CYP17A1: variants seen among roughly 807,000 people sequenced by gnomAD.
The protein encoded by CYP17A1 is cytochrome P450 family 17 subfamily A member 1.
In CYP17A1, 27 loss-of-function variants were observed where a neutral mutation model predicts 38.5. The ratio of observed to expected loss-of-function variants is 0.70; its 90% CI spans 0.52 to 0.97. The LOEUF is 0.97. Among genes scored for constraint, CYP17A1 ranks in the 50% least tolerant of loss-of-function variants. The pLI is 0.00. For missense variants in CYP17A1, 549 were observed against 645.9 expected, an observed-to-expected ratio of 0.85 and a Z score of 1.63; for synonymous variants, 263 against 253.3, an observed-to-expected ratio of 1.04 and a Z score of -0.36.
chr10:102,836,358 G>C lies in CYP17A1; in HGVS notation c.297+707C>G, dbSNP rs1844161736. On this transcript the variant is annotated intron_variant, in intron 1 of 7. Transcript: ENST00000369887. ...TGTAGTCCCAGGTACTCAGGAGGCT[G>C]AGGCAGGAGAATCACTTGAACCCGG... Among the ~76,000 whole-genome samples the C allele has an allele frequency of 2.6e-5, 4 of 151,264 alleles. No homozygotes were observed. The Admixed American group carries it at 2.6e-4, about 10-fold the overall frequency.
Position 102,835,237 on chromosome 10 carries a change from G to C in CYP17A1, c.436+17C>G. On this transcript the variant is annotated intron_variant, in intron 2 of 7. Transcript: ENST00000369887. ...GTGGGATCCAGCCCCAGCCCCAGGG[G>C]CCAGCCTGGCACTCACTGATCTTCT... The C allele has an allele frequency of 6.2e-7, 1 of 1,608,448 alleles. No individual in the cohort carries two copies. The highest frequency in any genetic ancestry group is 8.5e-7 in the Non-Finnish European group (1 of 1,175,172).
chr10:102,832,647 T>C lies in CYP17A1; in HGVS notation c.1003A>G (p.Asn335Asp). ...GTTGGTGTGCGGCTGAAACCCACAT[T>C]CTGGTCAATCTCCTCGTAGAGCTTC... ...KKKLYEEIDQ[N>D]VGFSRTPTIS... Residue 335 changes from asparagine (N) to aspartate (D), a missense_variant, in exon 6 of 8, where the codon AAT (asparagine) becomes GAT (aspartate). By Grantham distance (23) the Asn-to-Asp change is conservative. This residue lies in a region of CYP17A1 where 257 missense variants were observed against 307.9 expected (regional missense o/e 0.83). Transcript: ENST00000369887. The C allele has an allele frequency of 4.4e-6, 7 of 1,608,884 alleles. No homozygotes were observed. The highest frequency in any genetic ancestry group is 1.3e-5 in the African/African-American group (1 of 74,952).
In CYP17A1 at chr10:102,834,795, G is replaced by C; in HGVS notation, c.656C>G (p.Pro219Arg). ...CTGGCAGCATCTCACCTTCAACCAG[G>C]GGACTAGGTCCACCAGGCTGTCTTT... ...LSKDSLVDLVPWLKIFPNKTL... is the reference protein window; with the variant it reads ...LSKDSLVDLVRWLKIFPNKTL... Residue 219 changes from proline to arginine, a missense_variant, in exon 3 of 8, where the codon CCC becomes CGC. By Grantham distance (103) the Pro-to-Arg change is moderately radical. Transcript: ENST00000369887. 1 of 1,614,094 alleles carries C rather than the reference G, an allele frequency of 6.2e-7. No homozygotes were observed. The highest frequency in any genetic ancestry group is 8.5e-7 in the Non-Finnish European group (1 of 1,180,026).
Position 102,835,310 on chromosome 10 carries a change from A to G in CYP17A1, c.380T>C (p.Leu127Pro). The change falls in exon 2 of 8, where the codon CTG (leucine) becomes CCG (proline). Residue 127 changes from leucine (L) to proline (P), a missense_variant. Leu to Pro is a moderately conservative substitution (Grantham distance 98). Around this residue, in one of 3 missense-constraint regions of CYP17A1, gnomAD observed 289 missense variants for 320.9 expected, o/e 0.90. Coordinates refer to ENST00000369887, the MANE Select transcript of CYP17A1 (RefSeq NM_000102.4). Reference protein sequence around the residue: ...SGAHWQLHRRLAMATFALFKD... With the variant: ...SGAHWQLHRRPAMATFALFKD... Reference sequence around the variant, plus strand: ...GAACAGGGCAAAGGTGGCCATCGCCAGCCTTCGATGCAGCTGCCAGTGTGC... The same window carrying G: ...GAACAGGGCAAAGGTGGCCATCGCCGGCCTTCGATGCAGCTGCCAGTGTGC... 2 of 1,612,368 alleles carry G rather than the reference A, an allele frequency of 1.2e-6. No homozygotes were observed. The highest frequency in any genetic ancestry group is 1.7e-5 in the Admixed American group (1 of 60,026).
intron 2 of CYP17A1, 96 bp downstream of exon 2, chr10:102,835,158 C>G: frequency 8.1e-7 from 1 of 1,230,712 alleles, no homozygotes. Context: ...CTGCATTGCG[C>G]TCTAGTCCTA....
intron 6 of CYP17A1, among the ~76,000 whole-genome samples, 182 bp downstream of exon 6, chr10:102,832,329 C>T (rs1313108000): frequency 6.6e-6 from 1 of 152,170 alleles, no homozygotes; most frequent in African/African-American, 2.4e-5. Context: ...GCCTCGACCT[C>T]CCAAAGTGTT....
chr10:102,834,381 CTA>C, intron 3 of CYP17A1: 1 of 561,848 alleles, frequency 1.8e-6, no homozygotes. Context: ...GCTGACTCTG[CTA>C]TGTGTCCAGC....
intron 2 of CYP17A1, 63 bp from the exon 3 acceptor site, chr10:102,835,077 A>T: frequency 8.5e-7 from 1 of 1,177,088 alleles, no homozygotes; most frequent in Non-Finnish European, 1.3e-6. Flanking sequence ...TCTCTGTACC[A>T]GTTGCCTCTT....
intron 4 of CYP17A1, chr10:102,833,783 G>T: frequency 2.3e-6 from 1 of 426,088 alleles, no homozygotes; most frequent in Non-Finnish European, 4.3e-6. Flanking sequence ...GTACAGACGG[G>T]GTTTCACCAT....
Position 102,835,440 on chromosome 10 carries a change from C to T in CYP17A1, c.298-48G>A, listed in dbSNP as rs1844151234. On this transcript the variant is annotated intron_variant, in intron 1 of 7. Transcript: ENST00000369887. ...TAGGAATCTCACACCATCCACCCCA[C>T]TCTTGCCCTTACACCTCTGGTCCCT... The T allele has an allele frequency of 3.9e-6, 6 of 1,542,460 alleles. No individual in the cohort carries two copies. The Middle Eastern group carries it at 5.0e-4, about 129-fold the overall frequency.
At position 102,830,683 on chromosome 10, in the gene CYP17A1, G is replaced by T; in HGVS notation, c.*19C>A. On this transcript the variant is annotated 3_prime_UTR_variant, in exon 8 of 8. Coordinates refer to ENST00000369887, the MANE Select transcript of CYP17A1 (RefSeq NM_000102.4). The surrounding 1 kb of genome is among the most constrained non-coding windows in gnomAD (Gnocchi z 4.1). ...TTGTGGGGCCACATAGGGTGGACAG[G>T]GGCTGTGAGTTACAGCCTTTAGGTG... 1 of 1,458,206 alleles carries T rather than the reference G, an allele frequency of 6.9e-7. No homozygotes were observed. The allele number at this position is 1,458,206 out of a possible 1,614,324, so 90.3% of individuals were successfully genotyped here.
At chr10:102,833,260 A>T in intron 4 of CYP17A1, 52 bp from the exon 5 acceptor site, 1 of 1,612,468 alleles carries the variant, frequency 6.2e-7, no homozygotes, top group Non-Finnish European at 8.5e-7. Flanking sequence ...CCCATCTGTG[A>T]CACTCCTGCC....
chr10:102,832,837 G>A (rs1844109278), intron 5 of CYP17A1, 156 bp downstream of exon 5: 1 of 1,453,976 alleles, frequency 6.9e-7, no homozygotes, highest in Non-Finnish European at 9.5e-7. Flanking sequence ...AGATGGGGCA[G>A]CTCTACTCTG....
At chr10:102,832,968 T>C in intron 5 of CYP17A1, 25 bp downstream of exon 5, 1 of 1,613,058 alleles carries the variant, frequency 6.2e-7, no homozygotes, top group Non-Finnish European at 8.5e-7. Flanking sequence ...GGCTGGGGTC[T>C]AGGATCAATG....
rs528612678 is a variant in CYP17A1 at position 102,837,324 on chromosome 10, G to A, written c.38C>T (p.Ala13Val). 2.5e-6 allele frequency: 4 copies of A among 1,612,578 alleles called. No homozygotes were observed. Among genetic ancestry groups the A allele is most frequent in the South Asian group, 1.1e-5 (1 of 91,058 alleles). ...CCTTCTCTTGGGCCAAAACAAATAA[G>A]CTAGGGTAAGCAGCAAGAGAGCCAC... ...ELVALLLLTL[A>V]YLFWPKRRCP... Residue 13 changes from alanine to valine, a missense_variant, in exon 1 of 8, where the codon GCT becomes GTT. By Grantham distance (64) the Ala-to-Val change is moderately conservative. This residue lies in a region of CYP17A1 where 289 missense variants were observed against 320.9 expected (regional missense o/e 0.90). Transcript: ENST00000369887.
At chr10:102,833,675 C>T in intron 4 of CYP17A1, 2 of 285,510 alleles carry the variant, frequency 7.0e-6, no homozygotes, top group Non-Finnish European at 6.7e-6. Flanking sequence ...AGGCTGGTCT[C>T]GAACTCCCAA....
In CYP17A1 at chr10:102,831,592, C is replaced by T. The variant is rs1438499447; in HGVS notation, c.1159G>A (p.Asp387Asn). 1 of 1,613,890 alleles carries T rather than the reference C, an allele frequency of 6.2e-7. No individual in the cohort carries two copies. Among genetic ancestry groups the T allele is most frequent in the Non-Finnish European group, 8.5e-7 (1 of 1,180,030 alleles). Residue 387 changes from aspartate (D) to asparagine (N), a missense_variant, in exon 7 of 8, where the codon GAC becomes AAC. Physicochemically the swap from Asp to Asn is conservative, Grantham distance 23. This residue lies in a region of CYP17A1 where 257 missense variants were observed against 307.9 expected (regional missense o/e 0.83). Transcript: ENST00000369887. ...VDSSIGEFAV[D>N]KGTEVIINLW... ...TTGATGATAACTTCTGTGCCCTTGT[C>T]CACAGCAAACTCACCGATGCTGCTC...
rs1485258085 is a variant in CYP17A1, at chr10:102,835,278, C to T, written c.412G>A (p.Gly138Ser). 1.2e-6 allele frequency: 2 copies of T among 1,613,750 alleles called. No individual in the cohort carries two copies. The highest frequency in any genetic ancestry group is 1.7e-6 in the Non-Finnish European group (2 of 1,179,624). The change falls in exon 2 of 8, where the codon GGC (glycine) becomes AGC (serine). Residue 138 changes from glycine to serine, a missense_variant. This residue lies in a region of CYP17A1 where 289 missense variants were observed against 320.9 expected (regional missense o/e 0.90). Coordinates refer to ENST00000369887, the MANE Select transcript of CYP17A1 (RefSeq NM_000102.4). ...CTGATCTTCTCCAGCTTCTGATCGC[C>T]ATCCTTGAACAGGGCAAAGGTGGCC... ...AMATFALFKD[G>S]DQKLEKIICQ...
intron 3 of CYP17A1, 183 bp from the exon 4 acceptor site, chr10:102,834,305 C>T: frequency 1.6e-6 from 1 of 621,688 alleles, no homozygotes; most frequent in Non-Finnish European, 2.9e-6. Flanking sequence ...ACGACGAAGA[C>T]AATTCTAAAC....
Sources: allele counts gnomAD v4.1 joint callset (sites outside exome capture counted in the v4.1 genomes callset), GRCh38; gene constraint gnomAD v4.1.1; regional missense constraint gnomAD v4.1.1; non-coding constraint Gnocchi (gnomAD v3.1); transcripts MANE v1.5; gene names NCBI Gene and HGNC (gene_info 2026-07-23, HGNC 2026-07-21).